The following STAT5A variants were observed in gnomAD, a reference collection of about 807,000 sequenced individuals.
The protein encoded by STAT5A is signal transducer and activator of transcription 5A.
STAT5A carries 26 observed loss-of-function variants against 100.2 expected under a neutral mutation model. That is an observed-to-expected ratio of 0.26 (90% CI 0.19 to 0.36). STAT5A has a LOEUF of 0.36. Among genes scored for constraint, STAT5A ranks in the 10% least tolerant of loss-of-function variants. STAT5A has a pLI of 1.00. For synonymous variants in STAT5A, 330 were observed against 424.3 expected (o/e 0.78, Z 2.73); for missense variants, 634 against 1,027.5 (o/e 0.62, Z 5.24).
intron 5 of STAT5A, among the ~76,000 whole-genome samples, chr17:42,298,767 G>C (rs529237746): frequency 6.6e-6 from 1 of 152,182 alleles, no homozygotes; most frequent in Non-Finnish European, 1.5e-5. Context: ...GATTACAGGC[G>C]TGAGCCACTG....
intron 4 of STAT5A, among the ~76,000 whole-genome samples, chr17:42,293,264 G>C (rs1057138046): frequency 6.6e-6 from 1 of 151,998 alleles, no homozygotes; most frequent in Non-Finnish European, 1.5e-5. Flanking sequence ...GAGTGCAGTG[G>C]CGTGATCTCG....
At chr17:42,289,138 G>A (rs1240720359) in intron 1 of STAT5A, 2 of 361,798 alleles carry the variant, frequency 5.5e-6, no homozygotes, top group African/African-American at 2.1e-5. Context: ...GGGAAGCTCC[G>A]GTGGGGCGAG....
At chr17:42,305,827 T>C in intron 12 of STAT5A, 125 bp downstream of exon 12, 1 of 1,027,616 alleles carries the variant, frequency 9.7e-7, no homozygotes, top group Non-Finnish European at 1.4e-6. Flanking sequence ...AGAGGTGAGG[T>C]GAGGCCAGAA....
chr17:42,300,758 A>G lies in STAT5A; in HGVS notation c.877A>G (p.Ile293Val), dbSNP rs753238236. 3.7e-6 allele frequency: 6 copies of G among 1,613,368 alleles called. No homozygotes were observed. The South Asian group carries it at 6.6e-5, about 18-fold the overall frequency. ...AEIIWQNRQQ[I>V]RRAEHLCQQL... ...GATCATCTGGCAGAACCGGCAGCAG[A>G]TCCGCAGGGCTGAGCACCTCTGCCA... is the stretch of plus-strand genomic sequence containing the variant. Residue 293 changes from isoleucine to valine, a missense_variant, in exon 8 of 19, where the codon ATC becomes GTC. Physicochemically the swap from Ile to Val is conservative, Grantham distance 29. Coordinates refer to ENST00000590949, the MANE Select transcript of STAT5A (RefSeq NM_001288718.2).
At chr17:42,298,279 G>A (rs1050384206) in intron 5 of STAT5A, among the ~76,000 whole-genome samples, 1 of 151,600 alleles carries the variant, frequency 6.6e-6, no homozygotes, top group Admixed American at 6.6e-5. Context: ...TCCTGCCTCA[G>A]CCTCCTAAGT....
intron 8 of STAT5A, 91 bp from the exon 9 acceptor site, chr17:42,301,184 G>T (rs1008417654): frequency 2.6e-6 from 4 of 1,552,798 alleles, no homozygotes; most frequent in Non-Finnish European, 3.5e-6. Context: ...GAGCCCCATG[G>T]GAGGCAGCCC....
intron 9 of STAT5A, 137 bp downstream of exon 9, chr17:42,301,591 T>G (rs1463728588): frequency 7.5e-7 from 1 of 1,332,540 alleles, no homozygotes; most frequent in Non-Finnish European, 1.0e-6. Flanking sequence ...CCTGGACTCA[T>G]GCAGTCTTCC....
chr17:42,291,758 G>A (rs1567686846), intron 3 of STAT5A, among the ~76,000 whole-genome samples: 1 of 151,926 alleles, frequency 6.6e-6, no homozygotes, highest in Non-Finnish European at 1.5e-5. Context: ...CTCATAAACT[G>A]TGGGTTTTTA....
rs140201655 is a variant in STAT5A, at chr17:42,301,920, G to A, written c.1169+466G>A. 9.3e-4 allele frequency among the ~76,000 whole-genome samples: 141 copies of A among 152,330 alleles called. 1 individual carries two copies. Among genetic ancestry groups the A allele is most frequent in the African/African-American group, 3.3e-3 (138 of 41,576 alleles). On this transcript the variant is annotated intron_variant, in intron 9 of 18. Transcript: ENST00000590949. The stretch of plus-strand genomic sequence containing the variant: ...GCCGTGGCTTACCCCTGTAATCCCA[G>A]CACTTTGGGAGGCCACGGTCGGAGG...
At chr17:42,289,037 G>A (rs1219891617) in intron 1 of STAT5A, among the ~76,000 whole-genome samples, 1 of 152,244 alleles carries the variant, frequency 6.6e-6, no homozygotes, top group Admixed American at 6.5e-5. Flanking sequence ...GGCCCGAGGT[G>A]GGCTGGGGGA....
intron 12 of STAT5A, 67 bp downstream of exon 12, chr17:42,305,769 C>T: frequency 6.6e-7 from 1 of 1,505,056 alleles, no homozygotes; most frequent in East Asian, 2.3e-5. Flanking sequence ...GTCAGCCCCA[C>T]CCCTTGGGCC....
chr17:42,307,891 T>C (rs1716488353), intron 15 of STAT5A, among the ~76,000 whole-genome samples, 168 bp downstream of exon 15: 1 of 152,186 alleles, frequency 6.6e-6, no homozygotes, highest in Admixed American at 6.5e-5. Context: ...TGTTTTCCAT[T>C]TTGGAGAACC....
intron 14 of STAT5A, 23 bp from the exon 15 acceptor site, chr17:42,307,570 C>T (rs376982076): frequency 6.2e-6 from 10 of 1,613,928 alleles, no homozygotes; most frequent in African/African-American, 4.0e-5. Flanking sequence ...CCAGTGGTGA[C>T]GCTCAATGCT....
chr17:42,299,911 G>C, intron 6 of STAT5A, 30 bp downstream of exon 6: 1 of 1,590,896 alleles, frequency 6.3e-7, no homozygotes, highest in Non-Finnish European at 8.6e-7. Context: ...TCTCCTGGGC[G>C]TGGGTGCCAT....
At position 42,304,867 on chromosome 17, in the gene STAT5A, A is replaced by G. The variant is rs1192954048; in HGVS notation, c.1380+215A>G. On this transcript the variant is annotated intron_variant, in intron 11 of 18. Transcript: ENST00000590949. This position sits in a 1 kb window ranked among gnomAD's most constrained non-coding sequence, Gnocchi z 4.8. ...TTTTTGTTTGTTTGCTTGTGCCTAC[A>G]TTTTGCTGGGAGGGGCTTGTGTTTG... Among the ~76,000 whole-genome samples, 10 of 152,124 alleles carry G rather than the reference A, an allele frequency of 6.6e-5. No homozygotes were observed.
At chr17:42,300,103 A>T in intron 6 of STAT5A, 27 bp from the exon 7 acceptor site, 1 of 1,301,662 alleles carries the variant, frequency 7.7e-7, no homozygotes, top group Non-Finnish European at 1.0e-6. Flanking sequence ...GGAGCCCAGA[A>T]GGGGCTGCTC....
chr17:42,290,152 C>T (rs2080856795), intron 3 of STAT5A, 130 bp downstream of exon 3: 2 of 1,252,216 alleles, frequency 1.6e-6, no homozygotes, highest in African/African-American at 3.1e-5. Context: ...AACTTTTCTT[C>T]GATTTCCCCC....
At position 42,310,887 on chromosome 17, in the gene STAT5A, C is replaced by A; in HGVS notation, c.*218C>A. ...GTGGCCTCTTTTCAGATCATGGCAT[C>A]CAAGAGTGCGCCGAGTCTGTCTCTG... is the stretch of plus-strand genomic sequence containing the variant. On this transcript the variant is annotated 3_prime_UTR_variant, in exon 19 of 19. Transcript: ENST00000590949. 2 of 736,066 alleles carry A rather than the reference C, an allele frequency of 2.7e-6. No individual in the cohort carries two copies. Among genetic ancestry groups the A allele is most frequent in the Non-Finnish European group, 4.3e-6 (2 of 465,622 alleles). 45.6% of individuals were successfully genotyped at this position (736,066 alleles called of 1,614,324 possible).
At chr17:42,305,129 G>A (rs58947745) in intron 11 of STAT5A, among the ~76,000 whole-genome samples, 8,092 of 152,262 alleles carry the variant, frequency 0.053, 468 homozygotes, top group African/African-American at 0.14. Flanking sequence ...GAGCCCAGGA[G>A]GTCAAGGCTG....
Sources: allele counts gnomAD v4.1 joint callset (sites outside exome capture counted in the v4.1 genomes callset), GRCh38; gene constraint gnomAD v4.1.1; non-coding constraint Gnocchi (gnomAD v3.1); transcripts MANE v1.5; gene names NCBI Gene and HGNC (gene_info 2026-07-23, HGNC 2026-07-21).